Variants in CCL26 observed in about 807,000 individuals in gnomAD.
CCL26 encodes C-C motif chemokine ligand 26.
Under a neutral mutation model 10.7 loss-of-function variants are expected in CCL26, and 10 were observed. The ratio of observed to expected loss-of-function variants is 0.93; its 90% CI spans 0.57 to 1.58. The LOEUF (loss-of-function observed/expected upper bound fraction) is 1.58, where lower values mean the gene tolerates loss of function less well. Ranked by LOEUF, CCL26 falls within the 40% of genes most tolerant of loss-of-function variation. The probability of loss-of-function intolerance (pLI) is 0.00; values close to 1 mark genes in which losing one functional copy is unlikely to be tolerated. For synonymous variants in CCL26, 43 were observed against 41.4 expected, an observed-to-expected ratio of 1.04 and a Z score of -0.15; for missense variants, 116 against 111.0, an observed-to-expected ratio of 1.05 and a Z score of -0.20.
At chr7:75,788,798 C>T (rs894889143) in intron 1 of CCL26, among the ~76,000 whole-genome samples, 2 of 151,356 alleles carry the variant, frequency 1.3e-5, no homozygotes, top group African/African-American at 2.4e-5. Flanking sequence ...TGACTTAAAG[C>T]GGTTTCAAGG....
chr7:75,774,927 A>G (rs1554528559), upstream of CCL26, among the ~76,000 whole-genome samples: 1 of 152,006 alleles, frequency 6.6e-6, no homozygotes, highest in African/African-American at 2.4e-5. Flanking sequence ...CTCTTTAAAA[A>G]AAGAATTATT....
At chr7:75,778,002 G>A (rs890688305) in intron 1 of CCL26, among the ~76,000 whole-genome samples, 5 of 152,110 alleles carry the variant, frequency 3.3e-5, no homozygotes, top group African/African-American at 1.2e-4. Flanking sequence ...TTACAGGCAT[G>A]AGGCACCAAC....
chr7:75,779,782 G>A (rs1281281136), intron 1 of CCL26, among the ~76,000 whole-genome samples: 1 of 152,158 alleles, frequency 6.6e-6, no homozygotes, highest in Non-Finnish European at 1.5e-5. Flanking sequence ...CAAGTCAATT[G>A]CAGGGACGCC....
intron 2 of CCL26, 147 bp downstream of exon 2, chr7:75,771,742 C>T (rs1802825317): frequency 1.6e-6 from 1 of 621,288 alleles, no homozygotes; most frequent in Admixed American, 2.9e-5. Flanking sequence ...AAGTCAGGTT[C>T]TACCTGAAGC....
rs141555211 is a variant in CCL26 at position 75,771,875 on chromosome 7, C to G, written c.188+14G>C. On this transcript the variant is annotated intron_variant, in intron 2 of 2. Transcript: ENST00000005180. ...CTGATGGGGCCCCAGAAAGTACGTCCGAGAAATACTCACATCACAGCCCGC... is the reference window on the plus strand; with the variant it reads ...CTGATGGGGCCCCAGAAAGTACGTCGGAGAAATACTCACATCACAGCCCGC... 4 of 1,584,958 alleles carry G rather than the reference C, an allele frequency of 2.5e-6. No homozygotes were observed. The Admixed American group carries it at 5.0e-5, about 20-fold the overall frequency.
intron 1 of CCL26, among the ~76,000 whole-genome samples, chr7:75,780,765 C>T: frequency 6.6e-6 from 1 of 152,046 alleles, no homozygotes; most frequent in East Asian, 1.9e-4. Context: ...TTCTATGGAC[C>T]CATCTGACCT....
intron 1 of CCL26, among the ~76,000 whole-genome samples, chr7:75,784,928 AT>A (rs1419146511): frequency 6.6e-6 from 1 of 152,272 alleles, no homozygotes; most frequent in East Asian, 1.9e-4. Context: ...ATCTCACAGC[AT>A]GCTTTAAAAG....
chr7:75,781,297 A>C (rs1803055737), intron 1 of CCL26, among the ~76,000 whole-genome samples: 1 of 152,246 alleles, frequency 6.6e-6, no homozygotes, highest in African/African-American at 2.4e-5. Context: ...CGTATTTCTG[A>C]GTTGCAATTC....
At chr7:75,785,559 G>A (rs1344482341) in intron 1 of CCL26, among the ~76,000 whole-genome samples, 1 of 152,050 alleles carries the variant, frequency 6.6e-6, no homozygotes, top group Admixed American at 6.6e-5. Flanking sequence ...TCTCCCTGTC[G>A]ATCATGTCTG....
upstream of CCL26, among the ~76,000 whole-genome samples, chr7:75,777,079 A>C (rs925514884): frequency 6.6e-6 from 1 of 152,052 alleles, no homozygotes; most frequent in Non-Finnish European, 1.5e-5. Context: ...AAAAATACAA[A>C]AAATTAGCCG....
intron 1 of CCL26, among the ~76,000 whole-genome samples, chr7:75,788,346 C>A (rs183277802): frequency 1.3e-5 from 2 of 152,024 alleles, no homozygotes; most frequent in African/African-American, 4.8e-5. Flanking sequence ...AAAGCTCCCC[C>A]ACTGAGCACC....
intron 1 of CCL26, among the ~76,000 whole-genome samples, chr7:75,783,318 C>T (rs1183441208): frequency 6.6e-6 from 1 of 152,174 alleles, no homozygotes; most frequent in Non-Finnish European, 1.5e-5. Context: ...CTAGCCCAAT[C>T]TCACACTGAT....
intron 1 of CCL26, among the ~76,000 whole-genome samples, chr7:75,789,096 A>ATTTTT (rs527793902): frequency 1.1e-4 from 12 of 110,884 alleles, no homozygotes; most frequent in African/African-American, 4.2e-4. Flanking sequence ...TCATTTTTTG[A>ATTTTT]TTTTTTTTTT....
At chr7:75,785,021 C>T (rs1367118315) in intron 1 of CCL26, among the ~76,000 whole-genome samples, 9 of 152,164 alleles carry the variant, frequency 5.9e-5, no homozygotes, top group African/African-American at 2.2e-4. Flanking sequence ...CCCATTTTAC[C>T]TGTCCAAAAA....
At chr7:75,776,276 T>C (rs1802938551), upstream of CCL26, among the ~76,000 whole-genome samples, 1 of 151,708 alleles carries the variant, frequency 6.6e-6, no homozygotes, top group South Asian at 2.1e-4. Flanking sequence ...TTCACCATGT[T>C]GGCCAGGCTG....
At chr7:75,783,965 G>C (rs1049079026) in intron 1 of CCL26, among the ~76,000 whole-genome samples, 2 of 152,040 alleles carry the variant, frequency 1.3e-5, no homozygotes, top group African/African-American at 2.4e-5. Context: ...ATTAAATAAA[G>C]CTCCAAAAAT....
chr7:75,784,960 C>T (rs782138591), intron 1 of CCL26, among the ~76,000 whole-genome samples: 1 of 152,164 alleles, frequency 6.6e-6, no homozygotes, highest in Admixed American at 6.5e-5. Flanking sequence ...TGTTATTACT[C>T]GCCTGTTACA....
At chr7:75,776,990 G>T (rs1483936356), upstream of CCL26, among the ~76,000 whole-genome samples, 1 of 152,138 alleles carries the variant, frequency 6.6e-6, no homozygotes, top group Non-Finnish European at 1.5e-5. Context: ...CAGCACTTTG[G>T]GGGGCCGAAG....
chr7:75,782,326 C>A (rs1203988941), intron 1 of CCL26, among the ~76,000 whole-genome samples: 6 of 152,192 alleles, frequency 3.9e-5, no homozygotes, highest in South Asian at 2.1e-4. Context: ...TGATTATTCA[C>A]CCACGTTGCA....
Sources: gnomAD v4.1 joint callset for allele counts (sites outside exome capture counted in the v4.1 genomes callset) on GRCh38, gnomAD v4.1.1 for gene constraint, MANE v1.5 for transcripts, NCBI Gene and HGNC (gene_info 2026-07-23, HGNC 2026-07-21) for gene names.